FARS2: variants seen among roughly 807,000 people sequenced by gnomAD.
The protein encoded by FARS2 is phenylalanine--tRNA ligase, mitochondrial.
Under a neutral mutation model 46.4 loss-of-function variants are expected in FARS2, and 40 were observed. The observed-to-expected ratio is 0.86, with a 90% CI of 0.67 to 1.12. The LOEUF (loss-of-function observed/expected upper bound fraction) is 1.12. Ranked by LOEUF, FARS2 falls within the 50% of genes most tolerant of loss-of-function variation. FARS2 has a pLI of 0.00. For synonymous variants in FARS2, 234 were observed against 214.9 expected, an observed-to-expected ratio of 1.09 and a Z score of -0.78; for missense variants, 513 against 567.9, an observed-to-expected ratio of 0.90 and a Z score of 0.98.
chr6:5,535,486 G>A (rs923111088), intron 4 of FARS2, among the ~76,000 whole-genome samples: 1 of 152,094 alleles, frequency 6.6e-6, no homozygotes, highest in African/African-American at 2.4e-5. Flanking sequence ...TTTCAGTTGG[G>A]ATGTCTTTTA....
At chr6:5,387,955 G>C (rs1048312401) in intron 2 of FARS2, among the ~76,000 whole-genome samples, 11 of 152,150 alleles carry the variant, frequency 7.2e-5, no homozygotes, top group Non-Finnish European at 1.3e-4. Flanking sequence ...AGTACAGAAA[G>C]TTCCTGTATA....
At chr6:5,614,055 G>A (rs1162850364) in intron 6 of FARS2, among the ~76,000 whole-genome samples, 1 of 152,076 alleles carries the variant, frequency 6.6e-6, no homozygotes, top group Non-Finnish European at 1.5e-5. Context: ...CCAAGGGGGA[G>A]GCTGTGTAAA....
intron 6 of FARS2, among the ~76,000 whole-genome samples, chr6:5,659,775 A>G (rs1355777600): frequency 3.3e-5 from 5 of 152,262 alleles, no homozygotes; most frequent in Non-Finnish European, 7.3e-5. Context: ...AGAACAAGGT[A>G]CAAACATGTG....
chr6:5,705,542 C>G (rs1460740169), intron 6 of FARS2, among the ~76,000 whole-genome samples: 1 of 152,190 alleles, frequency 6.6e-6, no homozygotes, highest in Non-Finnish European at 1.5e-5. Context: ...TGCTGTGCAG[C>G]CAGCCCCCTC....
intron 4 of FARS2, among the ~76,000 whole-genome samples, chr6:5,469,811 T>C (rs1765712556): frequency 6.6e-6 from 1 of 152,254 alleles, no homozygotes; most frequent in Admixed American, 6.5e-5. Context: ...TAATCAGTGT[T>C]TTTCAATATA....
chr6:5,699,174 A>G (rs192449187), intron 6 of FARS2, among the ~76,000 whole-genome samples: 1 of 152,308 alleles, frequency 6.6e-6, no homozygotes, highest in East Asian at 1.9e-4. Flanking sequence ...TTACTTCTCC[A>G]CAGGGAGCCT....
In FARS2 at chr6:5,545,231, T is replaced by A. The variant is rs760106644; in HGVS notation, c.956T>A (p.Leu319Gln). 1 of 1,613,890 alleles carries A rather than the reference T, an allele frequency of 6.2e-7. No individual in the cohort carries two copies. Among genetic ancestry groups the A allele is most frequent in the Non-Finnish European group, 8.5e-7 (1 of 1,179,910 alleles). The change falls in exon 5 of 7, where the codon CTA (leucine) becomes CAA (glutamine). Residue 319 changes from leucine to glutamine, a missense_variant. Leu to Gln is a moderately radical substitution (Grantham distance 113). Coordinates refer to ENST00000274680, the MANE Select transcript of FARS2 (RefSeq NM_006567.5). ...GWAFGLGLER[L>Q]AMILYDIPDI... ...GCTTTTGGCCTAGGATTAGAAAGGC[T>A]AGCCATGATCCTCTACGACATCCCT...
At chr6:5,565,295 G>A (rs1039951187) in intron 5 of FARS2, among the ~76,000 whole-genome samples, 5 of 152,202 alleles carry the variant, frequency 3.3e-5, no homozygotes, top group Admixed American at 2.6e-4. Flanking sequence ...CTTTCTGAGT[G>A]TAGTCCATTT....
intron 1 of FARS2, among the ~76,000 whole-genome samples, chr6:5,281,233 ATACTT>A (rs1324207090): frequency 6.6e-5 from 10 of 152,242 alleles, no homozygotes; most frequent in Non-Finnish European, 1.0e-4. Context: ...TAATATATAA[ATACTT>A]TACAAGTGAA....
chr6:5,271,765 A>G (rs1469478263), intron 1 of FARS2, among the ~76,000 whole-genome samples: 10 of 151,786 alleles, frequency 6.6e-5, no homozygotes, highest in Non-Finnish European at 1.5e-4. Context: ...GTTTCACTAT[A>G]TTGGCCAGGC....
At chr6:5,391,697 A>G (rs1222318689) in intron 2 of FARS2, among the ~76,000 whole-genome samples, 9 of 152,296 alleles carry the variant, frequency 5.9e-5, no homozygotes, top group African/African-American at 1.9e-4. Flanking sequence ...GGATTTTGCA[A>G]AGAAGCAAAT....
rs113883606 is a variant in FARS2 at position 5,442,399 on chromosome 6, GTA to G, written c.904+11242_904+11243del. Reference sequence around the variant, plus strand: ...AGTTGCTCTTTCATAAATGGAATGTGTATATATATATATATACACACACACAC... The same window carrying G: ...AGTTGCTCTTTCATAAATGGAATGTGTATATATATATATACACACACACAC... On this transcript the variant is annotated intron_variant, in intron 4 of 6. Transcript: ENST00000274680. Among the ~76,000 whole-genome samples the G allele has an allele frequency of 2.3e-3, 291 of 128,872 alleles. 2 individuals carry two copies. Among genetic ancestry groups the G allele is most frequent in the Middle Eastern group, 8.1e-3 (2 of 248 alleles). The allele number at this position is 128,872 out of a possible 152,430, so 84.5% of individuals were successfully genotyped here.
chr6:5,382,730 TAGTC>T (rs1250805566), intron 2 of FARS2, among the ~76,000 whole-genome samples: 4 of 152,166 alleles, frequency 2.6e-5, no homozygotes, highest in Non-Finnish European at 4.4e-5. Context: ...CTGTTTATAT[TAGTC>T]AGGGTTCTCC....
rs1765528003 is a variant in FARS2, at chr6:5,466,583, C to T, written c.904+35411C>T. On this transcript the variant is annotated intron_variant, in intron 4 of 6. Coordinates refer to ENST00000274680, the MANE Select transcript of FARS2 (RefSeq NM_006567.5). Reference sequence around the variant, plus strand: ...GGCTTGTTTCAGTTTCACATCAACCCAGAGGATATGAGACTTCATAATGGT... The same window carrying T: ...GGCTTGTTTCAGTTTCACATCAACCTAGAGGATATGAGACTTCATAATGGT... 1.3e-5 allele frequency: 13 copies of T among 985,214 alleles called. 1 individual carries two copies. The South Asian group carries it at 4.7e-4, about 36-fold the overall frequency. 61.0% of individuals were successfully genotyped at this position (985,214 alleles called of 1,614,324 possible). A position where few individuals can be genotyped will look rare whatever the true frequency, so the allele number is the denominator to read the frequency against.
At chr6:5,542,793 A>G (rs1165047568) in intron 4 of FARS2, among the ~76,000 whole-genome samples, 1 of 152,172 alleles carries the variant, frequency 6.6e-6, no homozygotes, top group Non-Finnish European at 1.5e-5. Flanking sequence ...ATTTTTATTC[A>G]TTTAAATATA....
chr6:5,682,018 G>C (rs767036127), intron 6 of FARS2, among the ~76,000 whole-genome samples: 1 of 152,156 alleles, frequency 6.6e-6, no homozygotes, highest in Non-Finnish European at 1.5e-5. Flanking sequence ...GTCAGCATGT[G>C]GTTTTGGTTC....
At chr6:5,291,682 C>T (rs1767515355) in intron 1 of FARS2, among the ~76,000 whole-genome samples, 1 of 151,260 alleles carries the variant, frequency 6.6e-6, no homozygotes, top group African/African-American at 2.4e-5. Context: ...GACGGGAGTC[C>T]AGGAGTTTGA....
intron 1 of FARS2, among the ~76,000 whole-genome samples, chr6:5,276,950 A>G (rs1004321256): frequency 6.6e-6 from 1 of 152,198 alleles, no homozygotes; most frequent in Non-Finnish European, 1.5e-5. Context: ...AAATCCACCT[A>G]TTCCTCCTCA....
intron 5 of FARS2, among the ~76,000 whole-genome samples, chr6:5,578,021 T>C (rs1346436883): frequency 6.6e-6 from 1 of 152,166 alleles, no homozygotes; most frequent in African/African-American, 2.4e-5. Flanking sequence ...CAGGATAGTC[T>C]CAATCTTCTG....
Sources: gnomAD v4.1 joint callset for allele counts (sites outside exome capture counted in the v4.1 genomes callset) on GRCh38, gnomAD v4.1.1 for gene constraint, MANE v1.5 for transcripts, NCBI Gene and HGNC (gene_info 2026-07-23, HGNC 2026-07-21) for gene names.